The following PAK2 variants were observed in gnomAD, a reference collection of about 807,000 sequenced individuals.
PAK2 encodes the protein p21 (RAC1) activated kinase 2, also known as serine/threonine-protein kinase PAK 2.
A neutral mutation model predicts 65.9 loss-of-function variants in PAK2; 21 were observed. That is an observed-to-expected ratio of 0.32 (90% CI 0.23 to 0.46). The LOEUF is 0.46. PAK2 is among the 20% of genes least tolerant of loss of function. The pLI is 1.00. For missense variants in PAK2, 324 were observed against 642.6 expected, an observed-to-expected ratio of 0.50 and a Z score of 5.36; for synonymous variants, 204 against 219.7, an observed-to-expected ratio of 0.93 and a Z score of 0.63.
At chr3:196,778,017 T>C (rs550154169) in intron 1 of PAK2, among the ~76,000 whole-genome samples, 3 of 152,252 alleles carry the variant, frequency 2.0e-5, no homozygotes, top group Admixed American at 6.5e-5. Context: ...CCAGAGAAAC[T>C]TGATACCCAT....
Position 196,796,636 on chromosome 3 carries a change from A to G in PAK2, c.188-5291A>G, listed in dbSNP as rs994719453. ...ACTGAGTAGATAAAAGGGAATCTCAAAATACTTAGTCCAGAAGAAGGCAGA... is the reference window on the plus strand; with the variant it reads ...ACTGAGTAGATAAAAGGGAATCTCAGAATACTTAGTCCAGAAGAAGGCAGA... On this transcript the variant is annotated intron_variant, in intron 2 of 14. Transcript: ENST00000327134. Among the ~76,000 whole-genome samples the G allele has an allele frequency of 2.6e-5, 4 of 152,336 alleles. No individual in the cohort carries two copies. The East Asian group carries it at 5.8e-4, about 22-fold the overall frequency.
At chr3:196,818,362 A>G (rs1332625182) in intron 12 of PAK2, among the ~76,000 whole-genome samples, 1 of 152,136 alleles carries the variant, frequency 6.6e-6, no homozygotes, top group Non-Finnish European at 1.5e-5. Flanking sequence ...CCTAATAATT[A>G]CCACTAGATA....
At chr3:196,766,903 T>TAA (rs146449926) in intron 1 of PAK2, among the ~76,000 whole-genome samples, 3 of 145,044 alleles carry the variant, frequency 2.1e-5, no homozygotes, top group Non-Finnish European at 3.0e-5. Context: ...TTCTTCCATT[T>TAA]AAAAAAAAAA....
chr3:196,762,553 G>A (rs925950264), intron 1 of PAK2, among the ~76,000 whole-genome samples: 1 of 150,108 alleles, frequency 6.7e-6, no homozygotes, highest in Non-Finnish European at 1.5e-5. Context: ...AGGCGTGGCG[G>A]CGCATGCCTG....
chr3:196,786,955 G>A (rs1168830766), intron 2 of PAK2, among the ~76,000 whole-genome samples: 2 of 151,842 alleles, frequency 1.3e-5, no homozygotes, highest in Non-Finnish European at 2.9e-5. Context: ...CTTCCAAGTA[G>A]TTGGGACTAC....
At chr3:196,823,861 TA>T (rs1408344767) in intron 13 of PAK2, among the ~76,000 whole-genome samples, 1 of 147,770 alleles carries the variant, frequency 6.8e-6, no homozygotes, top group Non-Finnish European at 1.5e-5. Flanking sequence ...CATATGGGCA[TA>T]ACTGCTAATG....
intron 13 of PAK2, among the ~76,000 whole-genome samples, chr3:196,823,271 A>G (rs1287613176): frequency 2.6e-5 from 4 of 152,090 alleles, no homozygotes; most frequent in African/African-American, 7.2e-5. Flanking sequence ...TGAGAGAGAA[A>G]AGACTAACGG....
chr3:196,763,813 G>T (rs942623027), intron 1 of PAK2, among the ~76,000 whole-genome samples: 1 of 152,058 alleles, frequency 6.6e-6, no homozygotes, highest in African/African-American at 2.4e-5. Context: ...TTGATAAAAG[G>T]TGTCTGGCCA....
chr3:196,780,368 A>T (rs962813695), intron 1 of PAK2, among the ~76,000 whole-genome samples: 1 of 152,218 alleles, frequency 6.6e-6, no homozygotes, highest in Non-Finnish European at 1.5e-5. Context: ...GTGGCTGGGG[A>T]AGCCTCACAA....
At chr3:196,756,760 C>T (rs1009138351) in intron 1 of PAK2, among the ~76,000 whole-genome samples, 9 of 152,092 alleles carry the variant, frequency 5.9e-5, no homozygotes, top group African/African-American at 1.4e-4. Context: ...CGCTTGAACC[C>T]GGGAGGAGGA....
intron 8 of PAK2, among the ~76,000 whole-genome samples, chr3:196,810,872 TAA>T (rs1490280882): frequency 2.6e-5 from 4 of 152,082 alleles, no homozygotes; most frequent in Non-Finnish European, 5.9e-5. Flanking sequence ...TATTTTTTCT[TAA>T]GTGTCATTTC....
chr3:196,828,025 A>G (rs1711940633), intron 14 of PAK2, among the ~76,000 whole-genome samples: 2 of 138,446 alleles, frequency 1.4e-5, no homozygotes, highest in Admixed American at 7.4e-5. Flanking sequence ...AGACCTGTTT[A>G]CAGTTTGTGC....
intron 13 of PAK2, among the ~76,000 whole-genome samples, chr3:196,824,338 C>T (rs191035980): frequency 6.6e-6 from 1 of 152,244 alleles, no homozygotes; most frequent in Admixed American, 6.5e-5. Flanking sequence ...CAGCAATCAC[C>T]CAGACATCAG....
At chr3:196,741,133 G>T (rs1263201770) in intron 1 of PAK2, among the ~76,000 whole-genome samples, 1 of 152,070 alleles carries the variant, frequency 6.6e-6, no homozygotes, top group Admixed American at 6.6e-5. Flanking sequence ...AGACAAAATG[G>T]TTAGGCCTAA....
At chr3:196,797,853 T>A (rs1715306356) in intron 2 of PAK2, among the ~76,000 whole-genome samples, 1 of 152,178 alleles carries the variant, frequency 6.6e-6, no homozygotes, top group African/African-American at 2.4e-5. Context: ...TCTCTGGAAA[T>A]ATTTGGAAAG....
At chr3:196,755,403 G>A (rs2108714486) in intron 1 of PAK2, among the ~76,000 whole-genome samples, 1 of 151,088 alleles carries the variant, frequency 6.6e-6, no homozygotes, top group East Asian at 1.9e-4. Flanking sequence ...TGGGGTTCAT[G>A]GCCAAAATTA....
chr3:196,799,231 T>G (rs1715346735), intron 2 of PAK2, among the ~76,000 whole-genome samples: 1 of 152,212 alleles, frequency 6.6e-6, no homozygotes, highest in Non-Finnish European at 1.5e-5. Flanking sequence ...AAGAAACAAC[T>G]GTGTTTCTTT....
At chr3:196,789,804 T>C (rs1715010160) in intron 2 of PAK2, among the ~76,000 whole-genome samples, 1 of 152,120 alleles carries the variant, frequency 6.6e-6, no homozygotes, top group Non-Finnish European at 1.5e-5. Context: ...GGGGGTGGTT[T>C]CGGTATGAAA....
intron 2 of PAK2, among the ~76,000 whole-genome samples, chr3:196,793,122 C>T (rs1479432511): frequency 9.9e-5 from 15 of 152,044 alleles, no homozygotes. Flanking sequence ...TGTCAAAGGC[C>T]CCCCAGGACT....
Sources: gnomAD v4.1 joint callset for allele counts (sites outside exome capture counted in the v4.1 genomes callset) on GRCh38, gnomAD v4.1.1 for gene constraint, MANE v1.5 for transcripts, NCBI Gene and HGNC (gene_info 2026-07-23, HGNC 2026-07-21) for gene names.